LIPI: variants seen among roughly 807,000 people sequenced by gnomAD.
LIPI encodes the protein lipase member I.
Under a neutral mutation model 50.6 loss-of-function variants are expected in LIPI, and 59 were observed. The ratio of observed to expected loss-of-function variants is 1.16; its 90% confidence interval spans 0.94 to 1.45. The LOEUF is 1.45. LIPI is among the 40% of genes most tolerant of loss of function. The probability of loss-of-function intolerance (pLI) is 0.00; values close to 1 mark genes in which losing one functional copy is unlikely to be tolerated. For missense variants in LIPI, 586 were observed against 536.3 expected (o/e 1.09, Z -0.92); for synonymous variants, 203 against 178.2 (o/e 1.14, Z -1.11).
chr21:14,130,939 T>A (rs1199111512), intron 9 of LIPI, among the ~76,000 whole-genome samples: 2 of 152,040 alleles, frequency 1.3e-5, no homozygotes, highest in African/African-American at 4.8e-5. Flanking sequence ...CACTACTAAC[T>A]TTTTTGTTGT....
At chr21:14,166,239 C>A in intron 5 of LIPI, 123 bp downstream of exon 5, 1 of 722,242 alleles carries the variant, frequency 1.4e-6, no homozygotes. Context: ...AATGACTCTC[C>A]TGAGTCATGG....
intron 4 of LIPI, among the ~76,000 whole-genome samples, chr21:14,172,891 A>G (rs1600896806): frequency 1.3e-5 from 2 of 152,324 alleles, no homozygotes; most frequent in Middle Eastern, 6.8e-3. Flanking sequence ...ATAAAAAGAA[A>G]AAAGAATAGA....
intron 9 of LIPI, chr21:14,143,691 C>T (rs2212711): frequency 0.85 from 129,471 of 152,122 alleles, 55,600 homozygotes; most frequent in African/African-American, 0.96. Flanking sequence ...GGACAACTCA[C>T]ACATGCAGAT....
At chr21:14,201,164 G>T (rs1368533198) in intron 1 of LIPI, among the ~76,000 whole-genome samples, 1 of 152,056 alleles carries the variant, frequency 6.6e-6, no homozygotes, top group Non-Finnish European at 1.5e-5. Context: ...AGCCCTGAAA[G>T]ACAACTTAGG....
At chr21:14,164,412 G>T (rs1298367782) in intron 6 of LIPI, among the ~76,000 whole-genome samples, 1 of 152,126 alleles carries the variant, frequency 6.6e-6, no homozygotes, top group Non-Finnish European at 1.5e-5. Flanking sequence ...AATCAAATTG[G>T]CAATGCCTGA....
At chr21:14,165,426 GT>G (rs903964168) in intron 5 of LIPI, 36 bp from the exon 6 acceptor site, 5 of 1,471,910 alleles carry the variant, frequency 3.4e-6, no homozygotes, top group Non-Finnish European at 4.7e-6. Context: ...AACTGTAGAT[GT>G]ATTAAGCCAT....
At chr21:14,117,862 C>T (rs138927450) in intron 9 of LIPI, among the ~76,000 whole-genome samples, 143 of 151,922 alleles carry the variant, frequency 9.4e-4, no homozygotes, top group Non-Finnish European at 3.8e-4. Flanking sequence ...GGAGGCCAAG[C>T]GTAGAGTGAA....
At chr21:14,204,619 G>T (rs2020174559) in intron 1 of LIPI, among the ~76,000 whole-genome samples, 1 of 151,838 alleles carries the variant, frequency 6.6e-6, no homozygotes, top group Non-Finnish European at 1.5e-5. Flanking sequence ...AGAGGCCTGT[G>T]AAACAGAACC....
chr21:14,130,395 G>A (rs1357756864), intron 9 of LIPI, among the ~76,000 whole-genome samples: 1 of 152,172 alleles, frequency 6.6e-6, no homozygotes, highest in Non-Finnish European at 1.5e-5. Flanking sequence ...TCTGTGCCCT[G>A]CCCTTGGACC....
intron 9 of LIPI, among the ~76,000 whole-genome samples, chr21:14,133,164 C>A (rs1353045801): frequency 1.3e-5 from 2 of 151,982 alleles, no homozygotes; most frequent in Admixed American, 1.3e-4. Flanking sequence ...TTCTAAGAGG[C>A]CAGTATCACC....
intron 1 of LIPI, among the ~76,000 whole-genome samples, chr21:14,206,600 A>AC (rs2020232209): frequency 6.6e-6 from 1 of 151,706 alleles, no homozygotes; most frequent in Non-Finnish European, 1.5e-5. Context: ...GATAATCTAA[A>AC]CCCCCATTCT....
chr21:14,184,571 C>T (rs1015236415), intron 3 of LIPI, among the ~76,000 whole-genome samples: 2 of 151,710 alleles, frequency 1.3e-5, no homozygotes, highest in South Asian at 2.1e-4. Context: ...CTCTATTATC[C>T]CCATTTTATT....
At chr21:14,206,755 T>G (rs1278871255) in intron 1 of LIPI, 4 of 1,025,532 alleles carry the variant, frequency 3.9e-6, no homozygotes, top group Non-Finnish European at 4.5e-6. Context: ...AGTGTTGTTT[T>G]ATATTTCCTC....
At chr21:14,167,987 T>A (rs2018753542) in intron 4 of LIPI, among the ~76,000 whole-genome samples, 1 of 152,084 alleles carries the variant, frequency 6.6e-6, no homozygotes, top group African/African-American at 2.4e-5. Context: ...GACGAATGTA[T>A]AACTAGAATA....
At chr21:14,120,839 CT>C in intron 9 of LIPI, among the ~76,000 whole-genome samples, 1 of 152,298 alleles carries the variant, frequency 6.6e-6, no homozygotes, top group South Asian at 2.1e-4. Flanking sequence ...GGGAAGACAG[CT>C]TTAGAAATTC....
intron 9 of LIPI, among the ~76,000 whole-genome samples, chr21:14,122,937 C>A (rs1439852737): frequency 6.6e-6 from 1 of 152,166 alleles, no homozygotes; most frequent in Admixed American, 6.5e-5. Context: ...CCCCAAGGAT[C>A]CAAAAGTTCA....
At chr21:14,126,475 T>C (rs183078264) in intron 9 of LIPI, among the ~76,000 whole-genome samples, 2 of 152,314 alleles carry the variant, frequency 1.3e-5, no homozygotes, top group African/African-American at 2.4e-5. Context: ...ACCCTCTGTA[T>C]CTATGGATTC....
intron 1 of LIPI, among the ~76,000 whole-genome samples, chr21:14,200,736 G>T (rs368099124): frequency 2.0e-5 from 3 of 151,704 alleles, no homozygotes; most frequent in East Asian, 3.9e-4. Flanking sequence ...ACCATTGAGA[G>T]TATTCACAGA....
intron 9 of LIPI, 196 bp downstream of exon 9, chr21:14,144,427 G>A (rs2017826555): frequency 2.3e-6 from 1 of 431,238 alleles, no homozygotes; most frequent in Non-Finnish European, 4.2e-6. Context: ...ATTAGACAAT[G>A]AGATTCCCAA....
Sources: gnomAD v4.1 joint callset for allele counts (sites outside exome capture counted in the v4.1 genomes callset) on GRCh38, gnomAD v4.1.1 for gene constraint, MANE v1.5 for transcripts, NCBI Gene and HGNC (gene_info 2026-07-23, HGNC 2026-07-21) for gene names.